The following FAM167B variants were observed in gnomAD, a reference collection of about 807,000 sequenced individuals.
FAM167B encodes the protein protein FAM167B.
In FAM167B, 7 loss-of-function variants were observed where a neutral mutation model predicts 15.4. That is an observed-to-expected ratio of 0.46 (90% confidence interval 0.26 to 0.86). The LOEUF (loss-of-function observed/expected upper bound fraction) is 0.86, where lower values mean the gene tolerates loss of function less well. FAM167B is among the 40% of genes least tolerant of loss of function. The pLI, the probability that FAM167B is intolerant of heterozygous loss-of-function variation, is 0.17. For missense variants in FAM167B, 207 were observed against 208.3 expected (o/e 0.99, Z 0.04); for synonymous variants, 100 against 94.6 (o/e 1.06, Z -0.33).
At position 32,247,437 on chromosome 1, in the gene FAM167B, C is replaced by T; in HGVS notation, c.16C>T (p.Leu6=). ...CAAACCTGCCATGTCCCTGGGGCTACTGAAATTCCAGGCAGTGGGTGAAGA... is the reference window on the plus strand; with the variant it reads ...CAAACCTGCCATGTCCCTGGGGCTATTGAAATTCCAGGCAGTGGGTGAAGA... MSLGL[L]KFQAVGEEDE... is the part of the protein sequence containing the mutation. The change falls in exon 1 of 2, where the codon CTG becomes TTG. Residue 6 remains leucine (L), a synonymous_variant. Coordinates refer to ENST00000373582, the MANE Select transcript of FAM167B (RefSeq NM_032648.3). 1 of 1,558,226 alleles carries T rather than the reference C, an allele frequency of 6.4e-7. No individual in the cohort carries two copies. Among genetic ancestry groups the T allele is most frequent in the Non-Finnish European group, 8.7e-7 (1 of 1,150,346 alleles).
chr1:32,247,928 G>T (rs932871779), intron 1 of FAM167B, among the ~76,000 whole-genome samples: 1 of 152,208 alleles, frequency 6.6e-6, no homozygotes, highest in South Asian at 2.1e-4. Flanking sequence ...CAGAGCACTG[G>T]TGTTGGGGGG....
At position 32,247,672 on chromosome 1, in the gene FAM167B, G is replaced by A. The variant is rs751979021; in HGVS notation, c.251G>A (p.Arg84Gln). The A allele has an allele frequency of 8.2e-6, 12 of 1,469,710 alleles. No homozygotes were observed. The highest frequency in any genetic ancestry group is 1.8e-4 in the Middle Eastern group (1 of 5,474). 91.0% of individuals were successfully genotyped at this position (1,469,710 alleles called of 1,614,324 possible). The part of the protein sequence containing the change: ...DSMDSALEWL[R>Q]RELREMQAQD... ...ATGGACTCCGCCCTTGAGTGGCTCC[G>A]ACGGGAGCTGGTGAGTCTGGTGGGG... Residue 84 changes from arginine to glutamine, a missense_variant, in exon 1 of 2, where the codon CGA becomes CAA. Physicochemically the swap from Arg to Gln is conservative, Grantham distance 43. Transcript: ENST00000373582.
In FAM167B at chr1:32,247,426, C is replaced by G. The variant is rs765501225; in HGVS notation, c.5C>G (p.Ser2Cys). ...GTCACTCACCTCAAACCTGCCATGT[C>G]CCTGGGGCTACTGAAATTCCAGGCA... M[S>C]LGLLKFQAVG... Residue 2 changes from serine (S) to cysteine (C), a missense_variant, in exon 1 of 2, where the codon TCC becomes TGC. Transcript: ENST00000373582. 2.6e-6 allele frequency: 4 copies of G among 1,549,986 alleles called. No individual in the cohort carries two copies. In the South Asian group the frequency reaches 5.0e-5, roughly 19 times the overall value.
chr1:32,248,502 G>T lies in FAM167B; in HGVS notation c.393G>T (p.Leu131=). ...QELLDEAELE[L]ELEPGAGLAL... is the part of the protein sequence containing the mutation. Reference sequence around the variant, plus strand: ...TGCTGGATGAGGCCGAGCTGGAGCTGGAGCTGGAGCCCGGGGCCGGCCTAG... The same window carrying T: ...TGCTGGATGAGGCCGAGCTGGAGCTTGAGCTGGAGCCCGGGGCCGGCCTAG... Residue 131 remains leucine, a synonymous_variant, in exon 2 of 2, where the codon CTG becomes CTT. Coordinates refer to ENST00000373582, the MANE Select transcript of FAM167B (RefSeq NM_032648.3). 1 of 1,586,844 alleles carries T rather than the reference G, an allele frequency of 6.3e-7. No individual in the cohort carries two copies. The highest frequency in any genetic ancestry group is 2.3e-5 in the East Asian group (1 of 43,986).
Position 32,247,561 on chromosome 1 carries a change from C to A in FAM167B, c.140C>A (p.Thr47Lys). 6.3e-7 allele frequency: 1 copy of A among 1,599,976 alleles called. No homozygotes were observed. The highest frequency in any genetic ancestry group is 8.5e-7 in the Non-Finnish European group (1 of 1,172,990). Residue 47 changes from threonine to lysine, a missense_variant, in exon 1 of 2, where the codon ACA becomes AAA. Thr to Lys is a moderately conservative substitution (Grantham distance 78). Coordinates refer to ENST00000373582, the MANE Select transcript of FAM167B (RefSeq NM_032648.3). ...CGGCGGCCCTCATATCTGGAGTGGACAGCCCAGGTCCAGAGCCAGGCCTGG... is the reference window on the plus strand; with the variant it reads ...CGGCGGCCCTCATATCTGGAGTGGAAAGCCCAGGTCCAGAGCCAGGCCTGG... ...QTRRPSYLEW[T>K]AQVQSQAWRR... is the part of the protein sequence containing the mutation.
At chr1:32,247,916 G>T (rs1639429935) in intron 1 of FAM167B, among the ~76,000 whole-genome samples, 1 of 152,234 alleles carries the variant, frequency 6.6e-6, no homozygotes, top group South Asian at 2.1e-4. Context: ...TTGCTTAGGG[G>T]ACAGAGCACT....
chr1:32,248,845 C>A lies in FAM167B; in HGVS notation c.*244C>A. The stretch of plus-strand genomic sequence containing the variant: ...CCTCAAACTCCTCAATAAACGCTTT[C>A]TCTGGTTCCCATCAAGGTCTCTTGC... On this transcript the variant is annotated 3_prime_UTR_variant, in exon 2 of 2. Coordinates refer to ENST00000373582, the MANE Select transcript of FAM167B (RefSeq NM_032648.3). 2 of 563,650 alleles carry A rather than the reference C, an allele frequency of 3.5e-6. No individual in the cohort carries two copies. Among genetic ancestry groups the A allele is most frequent in the Admixed American group, 3.3e-5 (1 of 30,390 alleles). 34.9% of individuals were successfully genotyped at this position (563,650 alleles called of 1,614,324 possible). A position where few individuals can be genotyped will look rare whatever the true frequency, so the allele number is the denominator to read the frequency against.
Position 32,247,514 on chromosome 1 carries a change from A to T in FAM167B, c.93A>T (p.Thr31=). The T allele has an allele frequency of 1.9e-6, 3 of 1,608,596 alleles. No individual in the cohort carries two copies. Among genetic ancestry groups the T allele is most frequent in the Non-Finnish European group, 2.5e-6 (3 of 1,177,390 alleles). Residue 31 remains threonine (T), a synonymous_variant, in exon 1 of 2, where the codon ACA becomes ACT. Transcript: ENST00000373582. ...GCCTGGACTCTGTGAAGGCACTGACAGCCAAGCTGCAGCTGCAGACTCGGC... is the reference window on the plus strand; with the variant it reads ...GCCTGGACTCTGTGAAGGCACTGACTGCCAAGCTGCAGCTGCAGACTCGGC... ...GESLDSVKAL[T]AKLQLQTRRP...
In FAM167B at chr1:32,247,463, G is replaced by T. The variant is rs1569879253; in HGVS notation, c.42G>T (p.Glu14Asp). ...TGAAATTCCAGGCAGTGGGTGAAGA[G>T]GACGAGGAGGATGAGGAGGGGGAGA... ...GLLKFQAVGE[E>D]DEEDEEGESL... Residue 14 changes from glutamate (E) to aspartate (D), a missense_variant, in exon 1 of 2, where the codon GAG becomes GAT. By Grantham distance (45) the Glu-to-Asp change is conservative. Transcript: ENST00000373582. 1.3e-6 allele frequency: 2 copies of T among 1,591,304 alleles called. No individual in the cohort carries two copies. Among genetic ancestry groups the T allele is most frequent in the East Asian group, 2.3e-5 (1 of 43,586 alleles).
At chr1:32,247,788 A>G in intron 1 of FAM167B, 106 bp downstream of exon 1, 1 of 1,107,694 alleles carries the variant, frequency 9.0e-7, no homozygotes, top group South Asian at 2.3e-5. Flanking sequence ...CCCTGCCTCC[A>G]GCAACCGCCC....
Position 32,247,425 on chromosome 1 carries a change from T to A in FAM167B, c.4T>A (p.Ser2Thr). Residue 2 changes from serine to threonine, a missense_variant, in exon 1 of 2, where the codon TCC becomes ACC. Coordinates refer to ENST00000373582, the MANE Select transcript of FAM167B (RefSeq NM_032648.3). ...TGTCACTCACCTCAAACCTGCCATG[T>A]CCCTGGGGCTACTGAAATTCCAGGC... is the stretch of plus-strand genomic sequence containing the variant. M[S>T]LGLLKFQAVG... 1 of 1,542,706 alleles carries A rather than the reference T, an allele frequency of 6.5e-7. No individual in the cohort carries two copies. Among genetic ancestry groups the A allele is most frequent in the Non-Finnish European group, 8.8e-7 (1 of 1,142,524 alleles).
Position 32,248,848 on chromosome 1 carries a change from TG to T in FAM167B, c.*249del. On this transcript the variant is annotated 3_prime_UTR_variant, in exon 2 of 2. Coordinates refer to ENST00000373582, the MANE Select transcript of FAM167B (RefSeq NM_032648.3). ...CAAACTCCTCAATAAACGCTTTCTC[TG>T]GTTCCCATCAAGGTCTCTTGCAGTC... 1 of 560,040 alleles carries T rather than the reference TG, an allele frequency of 1.8e-6. No homozygotes were observed. The allele number at this position is 560,040 out of a possible 1,614,324, so 34.7% of individuals were successfully genotyped here.
chr1:32,247,551 C>G lies in FAM167B; in HGVS notation c.130C>G (p.Leu44Val), dbSNP rs1639424230. ...LQLQTRRPSY[L>V]EWTAQVQSQA... The stretch of plus-strand genomic sequence containing the variant: ...GCTGCAGACTCGGCGGCCCTCATAT[C>G]TGGAGTGGACAGCCCAGGTCCAGAG... Residue 44 changes from leucine (L) to valine (V), a missense_variant, in exon 1 of 2, where the codon CTG (leucine) becomes GTG (valine). Leu to Val is a conservative substitution (Grantham distance 32). Coordinates refer to ENST00000373582, the MANE Select transcript of FAM167B (RefSeq NM_032648.3). 6.2e-7 allele frequency: 1 copy of G among 1,605,654 alleles called. No homozygotes were observed. The highest frequency in any genetic ancestry group is 2.3e-5 in the East Asian group (1 of 44,168).
rs1041241207 is a variant in FAM167B at position 32,247,641 on chromosome 1, G to A, written c.220G>A (p.Asp74Asn). Residue 74 changes from aspartate to asparagine, a missense_variant, in exon 1 of 2, where the codon GAC (aspartate) becomes AAC (asparagine). By Grantham distance (23) the Asp-to-Asn change is conservative (BLOSUM62 1). Coordinates refer to ENST00000373582, the MANE Select transcript of FAM167B (RefSeq NM_032648.3). ...GGGACCTGGGGACATCTGTGGTTTC[G>A]ACTCAATGGACTCCGCCCTTGAGTG... ...PGGPGDICGF[D>N]SMDSALEWLR... 5.4e-6 allele frequency: 8 copies of A among 1,492,320 alleles called. No individual in the cohort carries two copies. In the East Asian group the frequency reaches 7.5e-5, roughly 14 times the overall value. The allele number at this position is 1,492,320 out of a possible 1,614,324, so 92.4% of individuals were successfully genotyped here. A position where few individuals can be genotyped will look rare whatever the true frequency, so the allele number is the denominator to read the frequency against.
chr1:32,248,666 A>T lies in FAM167B; in HGVS notation c.*65A>T, dbSNP rs1022329695. The T allele has an allele frequency of 2.9e-6, 4 of 1,395,464 alleles. No individual in the cohort carries two copies. In the African/African-American group the frequency reaches 4.3e-5, roughly 15 times the overall value. 86.4% of individuals were successfully genotyped at this position (1,395,464 alleles called of 1,614,324 possible). ...ATGCCGCTTCCCCTGCCTGCCTGGG[A>T]AGAGGAAAGGGAGGGGTGCCCCAGA... On this transcript the variant is annotated 3_prime_UTR_variant, in exon 2 of 2. Transcript: ENST00000373582.
chr1:32,247,563 GC>G lies in FAM167B; in HGVS notation c.145del (p.Gln49ArgfsTer63), dbSNP rs775493004. 1 of 1,597,304 alleles carries G rather than the reference GC, an allele frequency of 6.3e-7. No individual in the cohort carries two copies. Among genetic ancestry groups the G allele is most frequent in the South Asian group, 1.1e-5 (1 of 88,674 alleles). On this transcript the variant is annotated frameshift_variant, in exon 1 of 2. Transcript: ENST00000373582. LOFTEE classifies it high-confidence loss of function. Reference sequence around the variant, plus strand: ...GCGGCCCTCATATCTGGAGTGGACAGCCCAGGTCCAGAGCCAGGCCTGGCGC... The same window carrying G: ...GCGGCCCTCATATCTGGAGTGGACAGCCAGGTCCAGAGCCAGGCCTGGCGC... ...TRRPSYLEWT[A>X]QVQSQAWRRA... is the part of the protein sequence containing the mutation.
rs1569879658 is a variant in FAM167B, at chr1:32,247,651, A to C, written c.230A>C (p.Asp77Ala). 2 of 1,475,734 alleles carry C rather than the reference A, an allele frequency of 1.4e-6. No homozygotes were observed. Among genetic ancestry groups the C allele is most frequent in the Non-Finnish European group, 1.8e-6 (2 of 1,109,148 alleles). The allele number at this position is 1,475,734 out of a possible 1,614,324, so 91.4% of individuals were successfully genotyped here. ...GACATCTGTGGTTTCGACTCAATGG[A>C]CTCCGCCCTTGAGTGGCTCCGACGG... The part of the protein sequence containing the change: ...PGDICGFDSM[D>A]SALEWLRREL... The change falls in exon 1 of 2, where the codon GAC (aspartate) becomes GCC (alanine). Residue 77 changes from aspartate (D) to alanine (A), a missense_variant. Coordinates refer to ENST00000373582, the MANE Select transcript of FAM167B (RefSeq NM_032648.3).
At chr1:32,247,764 G>A in intron 1 of FAM167B, 82 bp downstream of exon 1, 2 of 1,360,470 alleles carry the variant, frequency 1.5e-6, no homozygotes, top group Non-Finnish European at 1.9e-6. Flanking sequence ...GCATGGGGAA[G>A]GGATGAGAAT....
Position 32,247,682 on chromosome 1 carries a change from G to C in FAM167B, c.261G>C (p.Leu87=). ...DSALEWLRRE[L]REMQAQDRQL... The stretch of plus-strand genomic sequence containing the variant: ...CCCTTGAGTGGCTCCGACGGGAGCT[G>C]GTGAGTCTGGTGGGGTGGGCAGCTT... The change falls in exon 1 of 2, where the codon CTG becomes CTC. Residue 87 remains leucine (L), a splice_region_variant and synonymous_variant. Coordinates refer to ENST00000373582, the MANE Select transcript of FAM167B (RefSeq NM_032648.3). 1 of 1,465,356 alleles carries C rather than the reference G, an allele frequency of 6.8e-7. No homozygotes were observed. The highest frequency in any genetic ancestry group is 9.0e-7 in the Non-Finnish European group (1 of 1,105,416). The allele number at this position is 1,465,356 out of a possible 1,614,324, so 90.8% of individuals were successfully genotyped here.
Sources: gnomAD v4.1 joint callset for allele counts (sites outside exome capture counted in the v4.1 genomes callset) on GRCh38, gnomAD v4.1.1 for gene constraint, MANE v1.5 for transcripts, NCBI Gene and HGNC (gene_info 2026-07-23, HGNC 2026-07-21) for gene names.